DOCK8: variants seen among roughly 807,000 people sequenced by gnomAD.
DOCK8 encodes dedicator of cytokinesis 8, also known as dedicator of cytokinesis protein 8.
A neutral mutation model predicts 245.6 loss-of-function variants in DOCK8; 141 were observed. The ratio of observed to expected loss-of-function variants is 0.57; its 90% CI spans 0.50 to 0.66. The LOEUF is 0.66. DOCK8 is among the 30% of genes least tolerant of loss of function. DOCK8 has a pLI of 0.00. For synonymous variants in DOCK8, 1,168 were observed against 970.2 expected (o/e 1.20, Z -3.79); for missense variants, 2,965 against 2,603.4 (o/e 1.14, Z -3.02).
intron 5 of DOCK8, among the ~76,000 whole-genome samples, chr9:307,338 G>GTTTTTTTTTTTTTTTTTTTT (rs1165775428): frequency 2.0e-5 from 1 of 51,242 alleles, no homozygotes; most frequent in Non-Finnish European, 4.3e-5. Context: ...GGTTTTTTTT[G>GTTTTTTTTTTTTTTTTTTTT]TTTTTTTTTT....
chr9:248,832 T>G (rs1346353999), intron 1 of DOCK8, among the ~76,000 whole-genome samples: 3 of 152,210 alleles, frequency 2.0e-5, no homozygotes, highest in African/African-American at 7.2e-5. Context: ...GGGGTGCTGC[T>G]TGAAGAAGTA....
chr9:431,708 T>C (rs1387284083), intron 36 of DOCK8, among the ~76,000 whole-genome samples: 1 of 151,910 alleles, frequency 6.6e-6, no homozygotes, highest in Non-Finnish European at 1.5e-5. Flanking sequence ...GGGGTTTTGC[T>C]GTGTTGCCCA....
Position 382,294 on chromosome 9 carries a change from T to C in DOCK8, c.2606-219T>C, listed in dbSNP as rs10973262. ...CTTTGTAAGAGGCATGTGTTGGCTG[T>C]TTACCATGATCTCCACCACTCCCTG... On this transcript the variant is annotated intron_variant, in intron 21 of 47. Transcript: ENST00000432829. Among the ~76,000 whole-genome samples the C allele has an allele frequency of 0.17, 25,627 of 152,138 alleles. 2,656 individuals carry two copies. The highest frequency in any genetic ancestry group is 0.26 in the Middle Eastern group (77 of 294).
At chr9:372,415 T>C in intron 18 of DOCK8, 129 bp downstream of exon 18, 1 of 788,060 alleles carries the variant, frequency 1.3e-6, no homozygotes, top group Non-Finnish European at 2.2e-6. Flanking sequence ...ATTGTTCTGA[T>C]AGGATGGGAG....
chr9:428,933 C>T (rs960956684), intron 35 of DOCK8, among the ~76,000 whole-genome samples: 6 of 152,124 alleles, frequency 3.9e-5, no homozygotes, highest in Admixed American at 3.3e-4. Context: ...GAGGATTATC[C>T]TGGGGTAACA....
At chr9:358,663 A>G (rs1238592695) in intron 14 of DOCK8, among the ~76,000 whole-genome samples, 1 of 56,130 alleles carries the variant, frequency 1.8e-5, no homozygotes, top group East Asian at 5.4e-4. Context: ...AACCTGGCCA[A>G]CATGGTGAAA....
chr9:271,700 A>C lies in DOCK8; in HGVS notation c.127A>C (p.Ser43Arg). The C allele has an allele frequency of 6.4e-7, 1 of 1,551,832 alleles. No homozygotes were observed. Among genetic ancestry groups the C allele is most frequent in the Non-Finnish European group, 8.7e-7 (1 of 1,146,858 alleles). The change falls in exon 2 of 48, where the codon AGT (serine) becomes CGT (arginine). Residue 43 changes from serine (S) to arginine (R), a missense_variant. Transcript: ENST00000432829. ...TGGCCAGTACCATCGACAGAGCATAAGTACCTCTGGCTTCCCCTCTCTTCA... is the reference window on the plus strand; with the variant it reads ...TGGCCAGTACCATCGACAGAGCATACGTACCTCTGGCTTCCCCTCTCTTCA... ...NLGQYHRQSISTSGFPSLQLP... is the reference protein window; with the variant it reads ...NLGQYHRQSIRTSGFPSLQLP...
At chr9:296,000 A>G (rs377115773) in intron 4 of DOCK8, among the ~76,000 whole-genome samples, 1 of 152,274 alleles carries the variant, frequency 6.6e-6, no homozygotes, top group East Asian at 1.9e-4. Flanking sequence ...TCTCCAGTAC[A>G]TTGAAGGAAA....
At chr9:304,408 G>A (rs944155660) in intron 4 of DOCK8, among the ~76,000 whole-genome samples, 173 bp from the exon 5 acceptor site, 1 of 152,166 alleles carries the variant, frequency 6.6e-6, no homozygotes, top group Non-Finnish European at 1.5e-5. Flanking sequence ...TTACAACAGA[G>A]CCTTGTATTA....
intron 5 of DOCK8, among the ~76,000 whole-genome samples, chr9:310,362 T>A (rs1470923229): frequency 6.6e-6 from 1 of 152,176 alleles, no homozygotes; most frequent in Non-Finnish European, 1.5e-5. Flanking sequence ...GGCCTAACTT[T>A]AAAAAAAATT....
At chr9:409,973 C>G (rs2055642983) in intron 28 of DOCK8, among the ~76,000 whole-genome samples, 1 of 152,102 alleles carries the variant, frequency 6.6e-6, no homozygotes, top group Admixed American at 6.5e-5. Flanking sequence ...GGTTCCAAGT[C>G]TTTGCTATTG....
chr9:233,836 C>T (rs1008633710), intron 1 of DOCK8, among the ~76,000 whole-genome samples: 6 of 151,976 alleles, frequency 3.9e-5, no homozygotes, highest in Non-Finnish European at 8.8e-5. Context: ...ACTGATGGGT[C>T]TTGACTCTTT....
rs1333536391 is a variant in DOCK8 at position 464,672 on chromosome 9, G to A, written c.*453G>A. On this transcript the variant is annotated 3_prime_UTR_variant, in exon 48 of 48. Transcript: ENST00000432829. ...CTTTATAGGAAGGCAGGGCAAACTT[G>A]TAGGAGTACGAAACATTTTCAATAA... is the stretch of plus-strand genomic sequence containing the variant. 4.0e-5 allele frequency: 8 copies of A among 201,388 alleles called. No homozygotes were observed. In the East Asian group the frequency reaches 9.8e-4, roughly 25 times the overall value. The allele number at this position is 201,388 out of a possible 1,614,324, so 12.5% of individuals were successfully genotyped here. A position where few individuals can be genotyped will look rare whatever the true frequency, so the allele number is the denominator to read the frequency against.
intron 14 of DOCK8, among the ~76,000 whole-genome samples, chr9:357,953 T>G (rs563042519): frequency 3.3e-5 from 5 of 152,198 alleles, no homozygotes; most frequent in African/African-American, 4.8e-5. Context: ...TTATCTAACC[T>G]AAAACATTGG....
intron 13 of DOCK8, among the ~76,000 whole-genome samples, chr9:339,579 A>G (rs141946973): frequency 0.044 from 6,712 of 152,176 alleles, 491 homozygotes; most frequent in African/African-American, 0.15. Flanking sequence ...CAGTGGCACA[A>G]TCTCAGCTCA....
chr9:390,423 T>C, intron 23 of DOCK8, 48 bp from the exon 24 acceptor site: 1 of 1,539,906 alleles, frequency 6.5e-7, no homozygotes. Flanking sequence ...TGTTGGTGAA[T>C]AATAATAGCC....
chr9:427,597 C>T (rs1353018240), intron 34 of DOCK8, among the ~76,000 whole-genome samples: 1 of 152,052 alleles, frequency 6.6e-6, no homozygotes, highest in Non-Finnish European at 1.5e-5. Context: ...TTTAATTACC[C>T]TGAAAAATGA....
Position 399,222 on chromosome 9 carries a change from GC to G in DOCK8, c.3198del (p.Phe1067LeufsTer26), listed in dbSNP as rs1564009831. ...LYDLLSLMDR[G>X]FVFNLIRHYC... ...GACCTTCTCTCCCTCATGGATCGGG[GC>G]TTTGTGTTTAACCTCATCAGACATT... On this transcript the variant is annotated frameshift_variant, in exon 26 of 48. Transcript: ENST00000432829. LOFTEE classifies it high-confidence loss of function. 6.2e-7 allele frequency: 1 copy of G among 1,613,956 alleles called. No individual in the cohort carries two copies.
intron 19 of DOCK8, 138 bp downstream of exon 19, chr9:376,443 C>T (rs2053518647): frequency 2.7e-6 from 2 of 740,766 alleles, no homozygotes; most frequent in Admixed American, 2.2e-5. Context: ...TGGGGACATG[C>T]AAACCTCTTT....
Sources: gnomAD v4.1 joint callset for allele counts (sites outside exome capture counted in the v4.1 genomes callset) on GRCh38, gnomAD v4.1.1 for gene constraint, MANE v1.5 for transcripts, NCBI Gene and HGNC (gene_info 2026-07-23, HGNC 2026-07-21) for gene names.